The following HECW2 variants were observed in gnomAD, a reference collection of about 807,000 sequenced individuals.
HECW2 encodes E3 ubiquitin-protein ligase HECW2.
A neutral mutation model predicts 175.2 loss-of-function variants in HECW2; 61 were observed. The ratio of observed to expected loss-of-function variants is 0.35; its 90% confidence interval spans 0.28 to 0.43. HECW2 has a LOEUF of 0.43. Ranked by LOEUF, HECW2 falls within the 20% of genes least tolerant of loss-of-function variation. HECW2 has a pLI of 1.00. For missense variants in HECW2, 1,524 were observed against 2,000.5 expected (o/e 0.76, Z 4.54); for synonymous variants, 671 against 731.0 (o/e 0.92, Z 1.32).
chr2:196,526,392 A>C (rs1688647519), intron 1 of HECW2, among the ~76,000 whole-genome samples: 2 of 145,662 alleles, frequency 1.4e-5, no homozygotes. Flanking sequence ...AATTTTTTTC[A>C]AAGTTTTCAA....
intron 2 of HECW2, among the ~76,000 whole-genome samples, chr2:196,364,549 T>C (rs932210032): frequency 6.6e-6 from 1 of 152,152 alleles, no homozygotes; most frequent in Admixed American, 6.5e-5. Flanking sequence ...CACCCCTTTG[T>C]GGGGAAAGTC....
intron 15 of HECW2, among the ~76,000 whole-genome samples, chr2:196,275,342 T>C (rs1188890673): frequency 6.6e-6 from 1 of 152,240 alleles, no homozygotes; most frequent in African/African-American, 2.4e-5. Context: ...AACATGATTA[T>C]CTAAAGGTAT....
At chr2:196,202,499 T>C (rs1686896318) in intron 28 of HECW2, among the ~76,000 whole-genome samples, 1 of 152,310 alleles carries the variant, frequency 6.6e-6, no homozygotes, top group East Asian at 1.9e-4. Context: ...AGGGTGGTTA[T>C]ATAACTTGTC....
rs1013057177 is a variant in HECW2, at chr2:196,201,013, T to C, written c.*264A>G. Reference sequence around the variant, plus strand: ...ATGGGTTCATCTTTGTCTTGGAACATAACAAATGGAAAAAGTTTGGCAGTC... The same window carrying C: ...ATGGGTTCATCTTTGTCTTGGAACACAACAAATGGAAAAAGTTTGGCAGTC... On this transcript the variant is annotated 3_prime_UTR_variant, in exon 29 of 29. Transcript: ENST00000644978. The C allele has an allele frequency of 2.7e-6, 1 of 364,392 alleles. No individual in the cohort carries two copies. The allele number at this position is 364,392 out of a possible 1,614,324, so 22.6% of individuals were successfully genotyped here. A position where few individuals can be genotyped will look rare whatever the true frequency, so the allele number is the denominator to read the frequency against.
At chr2:196,411,390 T>C (rs1471177484) in intron 2 of HECW2, among the ~76,000 whole-genome samples, 1 of 152,148 alleles carries the variant, frequency 6.6e-6, no homozygotes, top group African/African-American at 2.4e-5. Flanking sequence ...AAGGTAACAA[T>C]TATTTTCTGC....
intron 1 of HECW2, among the ~76,000 whole-genome samples, chr2:196,537,265 C>T (rs1313959840): frequency 6.6e-6 from 1 of 152,018 alleles, no homozygotes; most frequent in African/African-American, 2.4e-5. Context: ...ACTGGGGAAA[C>T]CTGTGTGGAA....
chr2:196,591,821 A>G (rs1691204814), intron 1 of HECW2, among the ~76,000 whole-genome samples: 1 of 152,226 alleles, frequency 6.6e-6, no homozygotes, highest in South Asian at 2.1e-4. Flanking sequence ...GCCATTAATA[A>G]TATCCCCATC....
chr2:196,482,507 C>T lies in HECW2; in HGVS notation c.-35-49049G>A, dbSNP rs1246917077. ...GCCAGCTGGGAGTGGGGACAGCCAGCACCATGCCTACAAGATACCACAGGG... is the reference window on the plus strand; with the variant it reads ...GCCAGCTGGGAGTGGGGACAGCCAGTACCATGCCTACAAGATACCACAGGG... On this transcript the variant is annotated intron_variant, in intron 1 of 28. Coordinates refer to ENST00000644978, the MANE Select transcript of HECW2 (RefSeq NM_001348768.2). 3.3e-5 allele frequency among the ~76,000 whole-genome samples: 5 copies of T among 152,310 alleles called. No individual in the cohort carries two copies. In the East Asian group the frequency reaches 9.6e-4, roughly 29 times the overall value.
chr2:196,294,274 T>G (rs989289552), intron 13 of HECW2, among the ~76,000 whole-genome samples: 1 of 152,190 alleles, frequency 6.6e-6, no homozygotes, highest in Non-Finnish European at 1.5e-5. Context: ...GAGGAATAAC[T>G]GTATGGCAGC....
intron 1 of HECW2, among the ~76,000 whole-genome samples, chr2:196,524,653 T>G (rs1575635358): frequency 1.8e-5 from 2 of 113,216 alleles, no homozygotes; most frequent in Non-Finnish European, 1.6e-5. Context: ...TTTGAATGTG[T>G]CCCAGAGATT....
intron 1 of HECW2, among the ~76,000 whole-genome samples, chr2:196,555,651 G>GA (rs1192480801): frequency 6.6e-6 from 1 of 152,026 alleles, no homozygotes; most frequent in East Asian, 1.9e-4. Flanking sequence ...TAACTGCTTA[G>GA]AAAAAAAATT....
At chr2:196,486,900 G>A (rs570495168) in intron 1 of HECW2, among the ~76,000 whole-genome samples, 2 of 152,138 alleles carry the variant, frequency 1.3e-5, no homozygotes, top group Non-Finnish European at 2.9e-5. Flanking sequence ...ATGGAAAGCC[G>A]AGGCAGGAGG....
chr2:196,269,589 T>C (rs1447411107), intron 17 of HECW2: 1 of 149,912 alleles, frequency 6.7e-6, no homozygotes, highest in African/African-American at 2.5e-5. Flanking sequence ...TATATACATA[T>C]ATATTTTTAC....
At chr2:196,356,433 T>C (rs1482234997) in intron 2 of HECW2, among the ~76,000 whole-genome samples, 1 of 152,242 alleles carries the variant, frequency 6.6e-6, no homozygotes, top group Non-Finnish European at 1.5e-5. Flanking sequence ...TCATAAGTTT[T>C]AGATTGTGTA....
At position 196,299,928 on chromosome 2, in the gene HECW2, CAA is replaced by C. The variant is rs68024134; in HGVS notation, c.2814+6558_2814+6559del. Among the ~76,000 whole-genome samples, 1,314 of 144,728 alleles carry C rather than the reference CAA, an allele frequency of 9.1e-3. 15 individuals are homozygous for C. Among genetic ancestry groups the C allele is most frequent in the Middle Eastern group, 0.029 (8 of 278 alleles). The allele number at this position is 144,728 out of a possible 152,430, so 94.9% of individuals were successfully genotyped here. A position where few individuals can be genotyped will look rare whatever the true frequency, so the allele number is the denominator to read the frequency against. Reference sequence around the variant, plus strand: ...TGGGCGACAGAGCGAAACTCTGTCTCAAAAAAAAAAAAAAATTCCCGCAGCCT... The same window carrying C: ...TGGGCGACAGAGCGAAACTCTGTCTCAAAAAAAAAAAAATTCCCGCAGCCT... On this transcript the variant is annotated intron_variant, in intron 13 of 28. Transcript: ENST00000644978.
intron 1 of HECW2, among the ~76,000 whole-genome samples, chr2:196,438,411 A>G (rs552615872): frequency 6.6e-6 from 1 of 152,292 alleles, no homozygotes; most frequent in African/African-American, 2.4e-5. Flanking sequence ...ACAGTTACTA[A>G]TTTTTTTCTT....
chr2:196,405,183 C>A (rs1694934712), intron 2 of HECW2, among the ~76,000 whole-genome samples: 1 of 152,032 alleles, frequency 6.6e-6, no homozygotes. Flanking sequence ...TTCCACTGTA[C>A]TCCCCTGGAA....
intron 1 of HECW2, among the ~76,000 whole-genome samples, chr2:196,489,566 A>C (rs1381494051): frequency 6.6e-6 from 1 of 152,196 alleles, no homozygotes; most frequent in Non-Finnish European, 1.5e-5. Context: ...AAAATTCCAA[A>C]GAAAAACATC....
chr2:196,233,507 C>G (rs1370434728), intron 21 of HECW2, among the ~76,000 whole-genome samples: 2 of 152,188 alleles, frequency 1.3e-5, no homozygotes, highest in Non-Finnish European at 2.9e-5. Flanking sequence ...CTTGGGAAGT[C>G]ACACCATTTC....
Sources: allele counts gnomAD v4.1 joint callset (sites outside exome capture counted in the v4.1 genomes callset), GRCh38; gene constraint gnomAD v4.1.1; transcripts MANE v1.5; gene names NCBI Gene and HGNC (gene_info 2026-07-23, HGNC 2026-07-21).